The following AUTS2 variants were observed in gnomAD, a reference collection of about 807,000 sequenced individuals.
AUTS2 encodes activator of transcription and developmental regulator AUTS2, also known as autism susceptibility gene 2 protein.
Under a neutral mutation model 112.4 loss-of-function variants are expected in AUTS2, and 17 were observed. The observed-to-expected ratio is 0.15, with a 90% CI of 0.10 to 0.23. AUTS2 has a LOEUF of 0.23. Ranked by LOEUF, AUTS2 falls within the 10% of genes least tolerant of loss-of-function variation. The pLI is 1.00. For missense variants in AUTS2, 1,510 were observed against 1,701.6 expected (o/e 0.89, Z 1.98); for synonymous variants, 751 against 702.7 (o/e 1.07, Z -1.09).
At chr7:69,876,957 G>T (rs561875181) in intron 1 of AUTS2, among the ~76,000 whole-genome samples, 1 of 152,260 alleles carries the variant, frequency 6.6e-6, no homozygotes, top group East Asian at 1.9e-4. Context: ...TGATGTGTTT[G>T]TTGGTTGCCC....
At chr7:70,062,853 C>G (rs1802316886) in intron 2 of AUTS2, among the ~76,000 whole-genome samples, 1 of 152,188 alleles carries the variant, frequency 6.6e-6, no homozygotes, top group Admixed American at 6.5e-5. Context: ...TAGGCTACTT[C>G]CTTTTTGATT....
chr7:70,514,679 C>A (rs1799343659), intron 5 of AUTS2, among the ~76,000 whole-genome samples: 1 of 152,178 alleles, frequency 6.6e-6, no homozygotes, highest in African/African-American at 2.4e-5. Context: ...CAAAGCGTAT[C>A]ATGGGGTCAT....
At chr7:70,550,245 G>A (rs759892231) in intron 5 of AUTS2, among the ~76,000 whole-genome samples, 1 of 152,122 alleles carries the variant, frequency 6.6e-6, no homozygotes, top group African/African-American at 2.4e-5. Flanking sequence ...CTCCAGTGAC[G>A]CCATCCATTT....
chr7:70,020,183 T>C (rs1050028089), intron 2 of AUTS2, among the ~76,000 whole-genome samples: 1 of 152,218 alleles, frequency 6.6e-6, no homozygotes, highest in African/African-American at 2.4e-5. Flanking sequence ...CTGGCACTTA[T>C]ACCTCTCCCC....
chr7:70,266,656 A>G (rs1787441065), intron 4 of AUTS2, among the ~76,000 whole-genome samples: 1 of 152,226 alleles, frequency 6.6e-6, no homozygotes, highest in Non-Finnish European at 1.5e-5. Context: ...ATAAATTTAT[A>G]AAAACTCATC....
intron 1 of AUTS2, among the ~76,000 whole-genome samples, chr7:69,734,318 G>C (rs1444401639): frequency 1.3e-5 from 2 of 150,244 alleles, no homozygotes; most frequent in South Asian, 2.1e-4. Flanking sequence ...GTAGATTCAA[G>C]TGCCAATAAT....
intron 5 of AUTS2, among the ~76,000 whole-genome samples, chr7:70,658,106 A>G (rs1173836385): frequency 6.6e-6 from 1 of 152,226 alleles, no homozygotes; most frequent in Non-Finnish European, 1.5e-5. Context: ...ATTGGACTAT[A>G]ATGAGAGTTT....
intron 1 of AUTS2, among the ~76,000 whole-genome samples, chr7:69,854,452 G>T (rs931087567): frequency 8.5e-5 from 13 of 152,080 alleles, no homozygotes; most frequent in Non-Finnish European, 1.8e-4. Flanking sequence ...GACCTAGTTT[G>T]AATTCTTAAG....
chr7:69,605,139 C>T (rs934404064), intron 1 of AUTS2, among the ~76,000 whole-genome samples: 6 of 152,150 alleles, frequency 3.9e-5, no homozygotes, highest in African/African-American at 1.4e-4. Flanking sequence ...ATCTATAATC[C>T]AGTATGGGAA....
intron 5 of AUTS2, among the ~76,000 whole-genome samples, chr7:70,564,258 T>C (rs952116208): frequency 1.3e-5 from 2 of 152,228 alleles, no homozygotes; most frequent in African/African-American, 4.8e-5. Context: ...ATTTAGATGA[T>C]TGTAGGGTGT....
chr7:70,259,070 G>A (rs1168682334), intron 4 of AUTS2, among the ~76,000 whole-genome samples: 5 of 152,088 alleles, frequency 3.3e-5, no homozygotes, highest in Non-Finnish European at 4.4e-5. Context: ...TCAAGCAAGT[G>A]GTGTGGAAAA....
intron 4 of AUTS2, among the ~76,000 whole-genome samples, chr7:70,212,978 A>G (rs1176889119): frequency 2.0e-5 from 3 of 152,178 alleles, no homozygotes; most frequent in Non-Finnish European, 4.4e-5. Flanking sequence ...TGGGGGAACT[A>G]TACTTAACAA....
At chr7:70,711,064 G>T (rs1408557532) in intron 6 of AUTS2, among the ~76,000 whole-genome samples, 2 of 152,224 alleles carry the variant, frequency 1.3e-5, no homozygotes, top group African/African-American at 4.8e-5. Context: ...CCTCCCAGGA[G>T]TAACTGTTAT....
chr7:70,458,506 T>A (rs1485783550), intron 5 of AUTS2, among the ~76,000 whole-genome samples: 1 of 152,214 alleles, frequency 6.6e-6, no homozygotes, highest in Non-Finnish European at 1.5e-5. Flanking sequence ...TATTATGTTT[T>A]CAAAATTCAA....
chr7:70,228,125 ATCT>A (rs1811863112), intron 4 of AUTS2, among the ~76,000 whole-genome samples: 1 of 150,954 alleles, frequency 6.6e-6, no homozygotes, highest in Non-Finnish European at 1.5e-5. Context: ...ATATCATTGT[ATCT>A]TCTTGGTGGG....
chr7:70,581,495 C>G (rs1478590113), intron 5 of AUTS2, among the ~76,000 whole-genome samples: 4 of 152,192 alleles, frequency 2.6e-5, no homozygotes, highest in Non-Finnish European at 5.9e-5. Context: ...GAGTTCTAGG[C>G]TATGATTGCA....
At chr7:70,221,096 T>C (rs1220070809) in intron 4 of AUTS2, among the ~76,000 whole-genome samples, 1 of 152,136 alleles carries the variant, frequency 6.6e-6, no homozygotes, top group Non-Finnish European at 1.5e-5. Flanking sequence ...TTTGTAGAGA[T>C]GAAGTCTCAC....
At chr7:70,262,709 A>T (rs1787228523) in intron 4 of AUTS2, among the ~76,000 whole-genome samples, 1 of 152,244 alleles carries the variant, frequency 6.6e-6, no homozygotes, top group Non-Finnish European at 1.5e-5. Context: ...TGTAAAAAAT[A>T]GAATTATGAC....
At chr7:69,708,435 ACAT>A (rs1450377170) in intron 1 of AUTS2, among the ~76,000 whole-genome samples, 4 of 152,202 alleles carry the variant, frequency 2.6e-5, no homozygotes, top group African/African-American at 9.7e-5. Flanking sequence ...TAGCAACCAA[ACAT>A]CATTTCCTTT....
Sources: gnomAD v4.1 joint callset for allele counts (sites outside exome capture counted in the v4.1 genomes callset) on GRCh38, gnomAD v4.1.1 for gene constraint, MANE v1.5 for transcripts, NCBI Gene and HGNC (gene_info 2026-07-23, HGNC 2026-07-21) for gene names.